The following MTMR7 variants were observed in gnomAD, a reference collection of about 807,000 sequenced individuals.
MTMR7 encodes phosphatidylinositol-3-phosphate phosphatase MTMR7.
A neutral mutation model predicts 81.2 loss-of-function variants in MTMR7; 76 were observed. That is an observed-to-expected ratio of 0.94 (90% confidence interval 0.78 to 1.13). MTMR7 has a LOEUF of 1.13. Ranked by LOEUF, MTMR7 falls within the 50% of genes most tolerant of loss-of-function variation. The pLI is 0.00. For synonymous variants in MTMR7, 372 were observed against 289.8 expected, an observed-to-expected ratio of 1.28 and a Z score of -2.88; for missense variants, 1,044 against 820.0, an observed-to-expected ratio of 1.27 and a Z score of -3.34.
Position 17,349,056 on chromosome 8 carries a change from A to C in MTMR7, c.494T>G (p.Leu165Arg). 6.2e-7 allele frequency: 1 copy of C among 1,612,580 alleles called. No homozygotes were observed. The highest frequency in any genetic ancestry group is 1.1e-5 in the South Asian group (1 of 90,936). ...TGCCGTGGCCGATTTGGGAACGTAC[A>C]GTTCAGTAGGATAAGAGTCACAGAC... Reference protein sequence around the residue: ...YRVCDSYPTELYVPKSATAHI... With the variant: ...YRVCDSYPTERYVPKSATAHI... Residue 165 changes from leucine to arginine, a missense_variant, in exon 5 of 14, where the codon CTG becomes CGG. By Grantham distance (102) the Leu-to-Arg change is moderately radical. Coordinates refer to ENST00000180173, the MANE Select transcript of MTMR7 (RefSeq NM_004686.5).
At chr8:17,303,550 A>G (rs73210204) in intron 12 of MTMR7, among the ~76,000 whole-genome samples, 12,017 of 151,980 alleles carry the variant, frequency 0.079, 639 homozygotes, top group South Asian at 0.2. Context: ...TATCTAGCAC[A>G]TACCTAGTAG....
intron 12 of MTMR7, among the ~76,000 whole-genome samples, chr8:17,303,373 A>C (rs993182188): frequency 5.3e-5 from 8 of 152,154 alleles, no homozygotes; most frequent in African/African-American, 1.7e-4. Flanking sequence ...AAACCTTGAG[A>C]AACGAAATCT....
At chr8:17,376,606 ATC>A (rs1305342503) in intron 1 of MTMR7, among the ~76,000 whole-genome samples, 8 of 152,094 alleles carry the variant, frequency 5.3e-5, no homozygotes, top group South Asian at 2.1e-4. Flanking sequence ...ACTTATTATA[ATC>A]TCTTTTTTTG....
At chr8:17,375,130 T>C (rs918799858) in intron 1 of MTMR7, among the ~76,000 whole-genome samples, 2 of 152,094 alleles carry the variant, frequency 1.3e-5, no homozygotes, top group African/African-American at 2.4e-5. Flanking sequence ...CTGATCTAGT[T>C]TGGGAGTCTC....
intron 3 of MTMR7, among the ~76,000 whole-genome samples, chr8:17,364,021 ATTT>A (rs36217265): frequency 0.076 from 5,358 of 70,950 alleles, 443 homozygotes; most frequent in East Asian, 0.26. Flanking sequence ...TGTTGCTATT[ATTT>A]TTTTTTTTTT....
At chr8:17,357,145 T>C (rs907337779) in intron 4 of MTMR7, among the ~76,000 whole-genome samples, 1 of 152,168 alleles carries the variant, frequency 6.6e-6, no homozygotes, top group East Asian at 1.9e-4. Context: ...AACACAGTAG[T>C]GAAAAATGAA....
chr8:17,341,215 C>G, intron 6 of MTMR7, 148 bp downstream of exon 6: 1 of 962,384 alleles, frequency 1.0e-6, no homozygotes, highest in Non-Finnish European at 1.5e-6. Context: ...AAGTAGCCAG[C>G]AGGGTGCCCA....
At chr8:17,362,011 C>G (rs1032231321) in intron 3 of MTMR7, among the ~76,000 whole-genome samples, 32 of 152,170 alleles carry the variant, frequency 2.1e-4, no homozygotes, top group Non-Finnish European at 5.9e-5. Context: ...CACTGTTTCC[C>G]TCTCTCCACT....
intron 1 of MTMR7, among the ~76,000 whole-genome samples, chr8:17,381,691 G>C (rs1345989494): frequency 6.6e-6 from 1 of 152,140 alleles, no homozygotes; most frequent in Non-Finnish European, 1.5e-5. Flanking sequence ...GTCATCTGGG[G>C]GAAGAGATCC....
intron 7 of MTMR7, among the ~76,000 whole-genome samples, chr8:17,320,461 C>A (rs1026993957): frequency 1.6e-4 from 25 of 152,182 alleles, no homozygotes; most frequent in Admixed American, 3.3e-4. Context: ...GAAGGGAGAG[C>A]TGGCTTAAAG....
chr8:17,324,841 T>C (rs966443352), intron 7 of MTMR7, among the ~76,000 whole-genome samples: 5 of 152,164 alleles, frequency 3.3e-5, no homozygotes, highest in Non-Finnish European at 5.9e-5. Flanking sequence ...TCTCCTCCAA[T>C]AGCTAAGTAA....
At chr8:17,384,423 AAAT>A (rs1473768529) in intron 1 of MTMR7, among the ~76,000 whole-genome samples, 27 of 152,270 alleles carry the variant, frequency 1.8e-4, no homozygotes, top group African/African-American at 5.1e-4. Context: ...AAAAATAAAT[AAAT>A]AAATAATTAT....
chr8:17,374,067 A>T (rs2150567228), intron 1 of MTMR7, among the ~76,000 whole-genome samples: 1 of 152,338 alleles, frequency 6.6e-6, no homozygotes, highest in African/African-American at 2.4e-5. Context: ...GCGCACAGCA[A>T]TCCTACCACT....
chr8:17,312,762 GAAGA>G (rs1257710161), intron 8 of MTMR7, among the ~76,000 whole-genome samples: 1 of 152,008 alleles, frequency 6.6e-6, no homozygotes, highest in Non-Finnish European at 1.5e-5. Flanking sequence ...TGGCATCAGG[GAAGA>G]TATGGTTCTC....
intron 1 of MTMR7, among the ~76,000 whole-genome samples, chr8:17,377,358 T>C (rs1820620509): frequency 6.6e-6 from 1 of 152,112 alleles, no homozygotes; most frequent in Non-Finnish European, 1.5e-5. Context: ...TTTTACAATC[T>C]TTTAATTCTT....
chr8:17,364,935 G>C (rs530289320), intron 3 of MTMR7, among the ~76,000 whole-genome samples: 7 of 152,336 alleles, frequency 4.6e-5, no homozygotes, highest in Non-Finnish European at 7.4e-5. Context: ...GCACTCAAAA[G>C]TGGGATTGTG....
At chr8:17,403,837 T>A (rs1821497974) in intron 1 of MTMR7, among the ~76,000 whole-genome samples, 1 of 152,232 alleles carries the variant, frequency 6.6e-6, no homozygotes, top group East Asian at 1.9e-4. Context: ...GTAGCTATTA[T>A]AAATAGGATT....
rs888006782 is a variant in MTMR7 at position 17,370,956 on chromosome 8, A to G, written c.310+81T>C. The G allele has an allele frequency of 7.7e-6, 11 of 1,420,940 alleles. No individual in the cohort carries two copies. In the African/African-American group the frequency reaches 1.4e-4, roughly 18 times the overall value. 88.0% of individuals were successfully genotyped at this position (1,420,940 alleles called of 1,614,324 possible). ...TAATCCCTGAACCCCTATCATTCCT[A>G]AGCACCATACAAATTCTTGAATCTG... On this transcript the variant is annotated intron_variant, in intron 3 of 13. Coordinates refer to ENST00000180173, the MANE Select transcript of MTMR7 (RefSeq NM_004686.5).
At chr8:17,392,766 T>C (rs1345804676) in intron 1 of MTMR7, among the ~76,000 whole-genome samples, 1 of 152,236 alleles carries the variant, frequency 6.6e-6, no homozygotes, top group Non-Finnish European at 1.5e-5. Flanking sequence ...GGAAAAAATA[T>C]TGAAACTCAT....
Sources: gnomAD v4.1 joint callset for allele counts (sites outside exome capture counted in the v4.1 genomes callset) on GRCh38, gnomAD v4.1.1 for gene constraint, MANE v1.5 for transcripts, NCBI Gene and HGNC (gene_info 2026-07-23, HGNC 2026-07-21) for gene names.